The following PTPRT variants were observed in gnomAD, a reference collection of about 807,000 sequenced individuals.
PTPRT encodes the protein receptor-type tyrosine-protein phosphatase T.
In PTPRT, 56 loss-of-function variants were observed where a neutral mutation model predicts 176.8. That is an observed-to-expected ratio of 0.32 (90% CI 0.26 to 0.40). The LOEUF is 0.40. PTPRT is among the 10% of genes least tolerant of loss of function. PTPRT has a pLI of 1.00. For missense variants in PTPRT, 1,540 were observed against 1,908.2 expected, an observed-to-expected ratio of 0.81 and a Z score of 3.60; for synonymous variants, 783 against 739.0, an observed-to-expected ratio of 1.06 and a Z score of -0.96.
intron 1 of PTPRT, among the ~76,000 whole-genome samples, chr20:42,993,157 G>T (rs1984017346): frequency 6.6e-6 from 1 of 151,890 alleles, no homozygotes; most frequent in African/African-American, 2.4e-5. Flanking sequence ...TATACAACCT[G>T]CCTGTAATCC....
At chr20:42,940,931 A>C (rs919985257) in intron 1 of PTPRT, among the ~76,000 whole-genome samples, 1 of 151,864 alleles carries the variant, frequency 6.6e-6, no homozygotes, top group Non-Finnish European at 1.5e-5. Flanking sequence ...AATACAAAAA[A>C]ATTAGCAGGA....
At chr20:42,325,736 C>G (rs1326300729) in intron 11 of PTPRT, among the ~76,000 whole-genome samples, 1 of 152,160 alleles carries the variant, frequency 6.6e-6, no homozygotes, top group Non-Finnish European at 1.5e-5. Context: ...CAGCTCAAGA[C>G]TCCCCTCTGC....
intron 17 of PTPRT, among the ~76,000 whole-genome samples, chr20:42,151,454 A>G (rs1404136352): frequency 6.6e-6 from 1 of 152,170 alleles, no homozygotes; most frequent in Non-Finnish European, 1.5e-5. Context: ...AGCTTCATCC[A>G]TGTCCCTGCA....
intron 26 of PTPRT, among the ~76,000 whole-genome samples, chr20:42,101,268 C>G (rs908559972): frequency 6.6e-6 from 1 of 152,190 alleles, no homozygotes; most frequent in African/African-American, 2.4e-5. Context: ...CCCAGGAGCT[C>G]TGTGTGTGGG....
chr20:42,048,245 G>C, the PTPRT span, among the ~76,000 whole-genome samples: 4 of 152,220 alleles, frequency 2.6e-5, no homozygotes, highest in Non-Finnish European at 5.9e-5. Context: ...TGAGTATGGG[G>C]AAAGGTCCCA....
chr20:42,788,345 G>A (rs1322220269), intron 3 of PTPRT, among the ~76,000 whole-genome samples: 1 of 152,044 alleles, frequency 6.6e-6, no homozygotes, highest in Non-Finnish European at 1.5e-5. Flanking sequence ...GGAGCGAGTG[G>A]CTGAATGATG....
intron 7 of PTPRT, among the ~76,000 whole-genome samples, chr20:42,511,914 A>C (rs1335114529): frequency 1.3e-5 from 2 of 152,102 alleles, no homozygotes; most frequent in Non-Finnish European, 2.9e-5. Context: ...TAGTGTGTAC[A>C]TTATCATTCA....
At chr20:42,402,937 G>A (rs981052054) in intron 9 of PTPRT, among the ~76,000 whole-genome samples, 3 of 152,066 alleles carry the variant, frequency 2.0e-5, no homozygotes, top group African/African-American at 7.2e-5. Flanking sequence ...TCTGTGAATT[G>A]TTAAAATATA....
chr20:42,902,613 T>C (rs1201612788), intron 1 of PTPRT, among the ~76,000 whole-genome samples: 1 of 152,208 alleles, frequency 6.6e-6, no homozygotes, highest in Non-Finnish European at 1.5e-5. Flanking sequence ...TGCCAGGTAC[T>C]TTCCAACCAC....
intron 1 of PTPRT, among the ~76,000 whole-genome samples, chr20:43,105,882 T>C (rs1423492084): frequency 6.6e-6 from 1 of 151,986 alleles, no homozygotes; most frequent in Non-Finnish European, 1.5e-5. Context: ...TTCTTCATTC[T>C]TGGGTGGTTA....
chr20:42,833,959 G>A (rs2078137792), intron 2 of PTPRT, among the ~76,000 whole-genome samples: 1 of 152,120 alleles, frequency 6.6e-6, no homozygotes, highest in Non-Finnish European at 1.5e-5. Flanking sequence ...GCTAAAAATT[G>A]TTAAATAAGA....
chr20:42,828,881 T>C (rs973500964), intron 2 of PTPRT, among the ~76,000 whole-genome samples: 2 of 152,168 alleles, frequency 1.3e-5, no homozygotes, highest in Non-Finnish European at 2.9e-5. Flanking sequence ...GCTAGGACAG[T>C]GCAGAAGGGA....
chr20:42,932,620 T>A (rs763246045), intron 1 of PTPRT, among the ~76,000 whole-genome samples: 1 of 152,154 alleles, frequency 6.6e-6, no homozygotes, highest in Non-Finnish European at 1.5e-5. Flanking sequence ...GTGTCCCAGT[T>A]TTCCAAGAAC....
chr20:42,397,176 A>C (rs8123237), intron 9 of PTPRT, among the ~76,000 whole-genome samples: 69 of 152,356 alleles, frequency 4.5e-4, no homozygotes, highest in African/African-American at 1.7e-3. Context: ...TACGATGCGT[A>C]TTCATGTGTT....
At chr20:42,105,354 C>G (rs902350041) in intron 24 of PTPRT, among the ~76,000 whole-genome samples, 1 of 152,192 alleles carries the variant, frequency 6.6e-6, no homozygotes, top group Non-Finnish European at 1.5e-5. Flanking sequence ...GCCGGCAAAT[C>G]TTTGTCTCAC....
chr20:43,171,141 A>G (rs2014988517), intron 1 of PTPRT, among the ~76,000 whole-genome samples: 1 of 152,236 alleles, frequency 6.6e-6, no homozygotes, highest in Admixed American at 6.5e-5. Context: ...GGGTACTTTA[A>G]GTATTCTTTC....
At chr20:42,032,273 A>G in the PTPRT span, among the ~76,000 whole-genome samples, 1 of 152,186 alleles carries the variant, frequency 6.6e-6, no homozygotes, top group South Asian at 2.1e-4. Flanking sequence ...TGGCCAGGAA[A>G]GTGATGGTCA....
At chr20:42,129,347 G>A (rs1346202963) in intron 18 of PTPRT, among the ~76,000 whole-genome samples, 1 of 152,164 alleles carries the variant, frequency 6.6e-6, no homozygotes, top group African/African-American at 2.4e-5. Context: ...AAGTGAGGCT[G>A]ACTAAATCAT....
chr20:43,153,878 A>C (rs549881585), intron 1 of PTPRT, among the ~76,000 whole-genome samples: 1 of 152,230 alleles, frequency 6.6e-6, no homozygotes, highest in East Asian at 1.9e-4. Context: ...GTTCATAACC[A>C]GGAAAGAGGA....
Sources: gnomAD v4.1 joint callset for allele counts (sites outside exome capture counted in the v4.1 genomes callset) on GRCh38, gnomAD v4.1.1 for gene constraint, MANE v1.5 for transcripts, NCBI Gene and HGNC (gene_info 2026-07-23, HGNC 2026-07-21) for gene names.